The following MAN2A1 variants were observed in gnomAD, a reference collection of about 807,000 sequenced individuals.
MAN2A1 encodes mannosidase alpha class 2A member 1, also known as alpha-mannosidase 2.
MAN2A1 carries 76 observed loss-of-function variants against 142.6 expected under a neutral mutation model. That is an observed-to-expected ratio of 0.53 (90% CI 0.44 to 0.65). The LOEUF is 0.65. Among genes scored for constraint, MAN2A1 ranks in the 30% least tolerant of loss-of-function variants. The pLI, the probability that MAN2A1 is intolerant of heterozygous loss-of-function variation, is 0.00. For missense variants in MAN2A1, 1,311 were observed against 1,365.1 expected, an observed-to-expected ratio of 0.96 and a Z score of 0.62; for synonymous variants, 559 against 473.2, an observed-to-expected ratio of 1.18 and a Z score of -2.35.
At chr5:109,732,364 T>G (rs1218044823) in intron 4 of MAN2A1, among the ~76,000 whole-genome samples, 1 of 152,230 alleles carries the variant, frequency 6.6e-6, no homozygotes, top group South Asian at 2.1e-4. Context: ...CTCTTTAATT[T>G]AATTAGATCC....
chr5:109,797,964 C>T (rs1340808006), intron 12 of MAN2A1, among the ~76,000 whole-genome samples: 1 of 152,048 alleles, frequency 6.6e-6, no homozygotes, highest in East Asian at 1.9e-4. Flanking sequence ...GGCACACTTC[C>T]CATATTTTTA....
intron 20 of MAN2A1, among the ~76,000 whole-genome samples, chr5:109,857,665 T>G (rs1194595112): frequency 2.6e-5 from 4 of 152,238 alleles, no homozygotes; most frequent in Non-Finnish European, 5.9e-5. Context: ...CACCTTTTTT[T>G]GTGGTTACTC....
chr5:109,843,140 G>A (rs915149503), intron 17 of MAN2A1, among the ~76,000 whole-genome samples: 7 of 152,068 alleles, frequency 4.6e-5, no homozygotes, highest in Non-Finnish European at 2.9e-5. Context: ...CACTGCTATA[G>A]CGAAATACCC....
intron 18 of MAN2A1, among the ~76,000 whole-genome samples, chr5:109,847,137 C>G (rs1408019446): frequency 6.6e-6 from 1 of 152,124 alleles, no homozygotes; most frequent in African/African-American, 2.4e-5. Flanking sequence ...GTACATGACT[C>G]TTGAGCCACT....
intron 5 of MAN2A1, among the ~76,000 whole-genome samples, chr5:109,756,391 G>GT (rs758445279): frequency 4.3e-5 from 6 of 139,618 alleles, no homozygotes; most frequent in Non-Finnish European, 8.4e-5. Context: ...TAATAATGTA[G>GT]TTTTTTATGT....
chr5:109,729,654 A>G (rs932754125), intron 4 of MAN2A1, 141 bp downstream of exon 4: 3 of 488,068 alleles, frequency 6.1e-6, no homozygotes, highest in African/African-American at 4.0e-5. Context: ...GTTTTCGTTG[A>G]TTTTGGTTCA....
At chr5:109,718,038 T>C (rs1751503223) in intron 3 of MAN2A1, among the ~76,000 whole-genome samples, 2 of 152,222 alleles carry the variant, frequency 1.3e-5, no homozygotes, top group African/African-American at 4.8e-5. Context: ...ATAAATCTCA[T>C]AATCACTTGA....
chr5:109,855,288 T>C lies in MAN2A1; in HGVS notation c.3125T>C (p.Leu1042Ser). The change falls in exon 20 of 22, where the codon TTG becomes TCG. Residue 1042 changes from leucine (L) to serine (S), a missense_variant. Physicochemically the swap from Leu to Ser is moderately radical, Grantham distance 145. Transcript: ENST00000261483. ...QGEFSPLQSS[L>S]PCDIHLVNLR... Reference sequence around the variant, plus strand: ...GAATTCTCTCCATTACAGTCATCTTTGCCTTGTGACATTCATCTGGTTAAT... The same window carrying C: ...GAATTCTCTCCATTACAGTCATCTTCGCCTTGTGACATTCATCTGGTTAAT... The C allele has an allele frequency of 6.2e-7, 1 of 1,602,200 alleles. No homozygotes were observed. Among genetic ancestry groups the C allele is most frequent in the Non-Finnish European group, 8.5e-7 (1 of 1,176,236 alleles).
At chr5:109,783,742 A>G (rs1405749469) in intron 9 of MAN2A1, among the ~76,000 whole-genome samples, 1 of 152,046 alleles carries the variant, frequency 6.6e-6, no homozygotes. Flanking sequence ...GTCTCCTTTT[A>G]AATAAGTTTT....
intron 3 of MAN2A1, among the ~76,000 whole-genome samples, chr5:109,722,124 A>G (rs1335321542): frequency 2.6e-5 from 4 of 152,186 alleles, no homozygotes; most frequent in African/African-American, 9.6e-5. Context: ...ATTCTTCTGA[A>G]ACCACAGGCT....
chr5:109,730,714 TA>T (rs1751879779), intron 4 of MAN2A1, among the ~76,000 whole-genome samples: 1 of 152,210 alleles, frequency 6.6e-6, no homozygotes, highest in Non-Finnish European at 1.5e-5. Flanking sequence ...TTACAAATTG[TA>T]ACTAATAATC....
intron 14 of MAN2A1, 50 bp from the exon 15 acceptor site, chr5:109,820,170 C>T (rs1335527896): frequency 1.3e-6 from 2 of 1,486,984 alleles, no homozygotes; most frequent in Non-Finnish European, 1.8e-6. Flanking sequence ...ATGCAACATG[C>T]TTAACATCTT....
chr5:109,755,633 TACTA>T (rs2112628029), intron 5 of MAN2A1, among the ~76,000 whole-genome samples, 177 bp downstream of exon 5: 1 of 152,340 alleles, frequency 6.6e-6, no homozygotes, highest in East Asian at 1.9e-4. Flanking sequence ...TACAGAGATT[TACTA>T]TAGTCACTTT....
chr5:109,756,141 G>T (rs962227974), intron 5 of MAN2A1, among the ~76,000 whole-genome samples: 5 of 152,034 alleles, frequency 3.3e-5, no homozygotes, highest in African/African-American at 9.7e-5. Context: ...GAATTGTGGA[G>T]AGCAGGGTCA....
intron 16 of MAN2A1, chr5:109,840,491 C>A: frequency 8.2e-6 from 4 of 485,700 alleles, no homozygotes; most frequent in East Asian, 5.9e-5. Flanking sequence ...ATCCAATTGG[C>A]TTGGTGGAAT....
At chr5:109,838,208 T>C (rs936015865) in intron 16 of MAN2A1, among the ~76,000 whole-genome samples, 1 of 152,190 alleles carries the variant, frequency 6.6e-6, no homozygotes, top group Non-Finnish European at 1.5e-5. Flanking sequence ...CTACCTTGCG[T>C]TGCCTATGCA....
chr5:109,690,499 C>A lies in MAN2A1; in HGVS notation c.82C>A (p.Arg28=). The change falls in exon 1 of 22, where the codon CGG becomes AGG. Residue 28 remains arginine, a synonymous_variant. Transcript: ENST00000261483. ...VIFSLYLMLD[R]GHLDYPRNPR... The stretch of plus-strand genomic sequence containing the variant: ...TTTCTCGCTCTACCTGATGCTGGAC[C>A]GGGGTCACTTAGACTACCCCAGGAA... 5 of 1,613,712 alleles carry A rather than the reference C, an allele frequency of 3.1e-6. No individual in the cohort carries two copies. Among genetic ancestry groups the A allele is most frequent in the Non-Finnish European group, 4.2e-6 (5 of 1,179,768 alleles).
At chr5:109,722,333 G>C (rs1263207046) in intron 3 of MAN2A1, among the ~76,000 whole-genome samples, 2 of 152,112 alleles carry the variant, frequency 1.3e-5, no homozygotes, top group East Asian at 1.9e-4. Context: ...ATTAGTACAT[G>C]AGATAGTGAG....
chr5:109,707,713 GT>G (rs1337688854), intron 1 of MAN2A1, among the ~76,000 whole-genome samples: 2 of 152,136 alleles, frequency 1.3e-5, no homozygotes, highest in African/African-American at 2.4e-5. Flanking sequence ...TTAGGGTAGG[GT>G]GGGGAGGAGC....
Sources: allele counts gnomAD v4.1 joint callset (sites outside exome capture counted in the v4.1 genomes callset), GRCh38; gene constraint gnomAD v4.1.1; transcripts MANE v1.5; gene names NCBI Gene and HGNC (gene_info 2026-07-23, HGNC 2026-07-21).